TNNC2: variants seen among roughly 807,000 people sequenced by gnomAD.
The protein encoded by TNNC2 is troponin C2, fast skeletal type.
A neutral mutation model predicts 20.0 loss-of-function variants in TNNC2; 14 were observed. That is an observed-to-expected ratio of 0.70 (90% CI 0.46 to 1.09). The LOEUF is 1.09. Ranked by LOEUF, TNNC2 falls within the 50% of genes least tolerant of loss-of-function variation. The pLI is 0.00. For missense variants in TNNC2, 163 were observed against 223.8 expected (o/e 0.73, Z 1.73); for synonymous variants, 81 against 77.3 (o/e 1.05, Z -0.25).
chr20:45,824,489 G>C lies in TNNC2; in HGVS notation c.199+6C>G. The C allele has an allele frequency of 6.2e-7, 1 of 1,613,200 alleles. No individual in the cohort carries two copies. Among genetic ancestry groups the C allele is most frequent in the Non-Finnish European group, 8.5e-7 (1 of 1,179,982 alleles). Reference sequence around the variant, plus strand: ...CATCCCCTGCCTCCGAGGGACACCCGCTCACCGTCCTCATCCACCTCCTCG... The same window carrying C: ...CATCCCCTGCCTCCGAGGGACACCCCCTCACCGTCCTCATCCACCTCCTCG... On this transcript the variant is annotated splice_donor_region_variant and intron_variant, in intron 3 of 5. Coordinates refer to ENST00000372555, the MANE Select transcript of TNNC2 (RefSeq NM_003279.3).
chr20:45,833,168 G>GAGAGAAAGAAAGAA (rs1983174401), intron 2 of TNNC2: 1 of 94,596 alleles, frequency 1.1e-5, no homozygotes, highest in African/African-American at 5.5e-5. Flanking sequence ...GAAAGAAAGA[G>GAGAGAAAGAAAGAA]AGAGAGAGAA....
chr20:45,830,395 C>G (rs892143419), upstream of TNNC2, among the ~76,000 whole-genome samples: 2 of 151,378 alleles, frequency 1.3e-5, no homozygotes, highest in African/African-American at 4.9e-5. Flanking sequence ...AACCTTCAAG[C>G]CTTTGCACAT....
chr20:45,827,426 C>A, upstream of TNNC2: 1 of 709,858 alleles, frequency 1.4e-6, no homozygotes. Flanking sequence ...CGAGTCCCAC[C>A]CCTCCCACAG....
At chr20:45,828,909 C>T (rs1395174626), upstream of TNNC2, among the ~76,000 whole-genome samples, 1 of 152,168 alleles carries the variant, frequency 6.6e-6, no homozygotes, top group Non-Finnish European at 1.5e-5. Context: ...AAGGCCTCCC[C>T]CAGGCAGGCA....
chr20:45,824,517 G>A lies in TNNC2; in HGVS notation c.177C>T (p.Ile59=). The A allele has an allele frequency of 6.2e-7, 1 of 1,613,656 alleles. No homozygotes were observed. Among genetic ancestry groups the A allele is most frequent in the Non-Finnish European group, 8.5e-7 (1 of 1,180,012 alleles). The stretch of plus-strand genomic sequence containing the variant: ...CACCGTCCTCATCCACCTCCTCGAT[G>A]ATGGCGTCCAGCTCCTCCTTGGTGG... ...QTPTKEELDA[I]IEEVDEDGSG... The change falls in exon 3 of 6, where the codon ATC becomes ATT. Residue 59 remains isoleucine, a synonymous_variant. Transcript: ENST00000372555.
upstream of TNNC2, among the ~76,000 whole-genome samples, chr20:45,827,689 C>G (rs1983009268): frequency 6.6e-6 from 1 of 152,186 alleles, no homozygotes; most frequent in Non-Finnish European, 1.5e-5. Flanking sequence ...CCAAGGCCAG[C>G]CTCTGCGAGT....
At chr20:45,828,713 G>A (rs1029717854), upstream of TNNC2, among the ~76,000 whole-genome samples, 1 of 152,144 alleles carries the variant, frequency 6.6e-6, no homozygotes, top group African/African-American at 2.4e-5. Context: ...TGGGGAGTAG[G>A]CAAGGCTTGT....
upstream of TNNC2, chr20:45,827,341 TG>T: frequency 6.4e-7 from 1 of 1,561,562 alleles, no homozygotes; most frequent in Non-Finnish European, 8.8e-7. Flanking sequence ...CCCCGGGATT[TG>T]TAGGGGCACC....
chr20:45,830,131 G>A (rs1035931208), upstream of TNNC2, among the ~76,000 whole-genome samples: 4 of 151,250 alleles, frequency 2.6e-5, no homozygotes, highest in Non-Finnish European at 4.4e-5. Context: ...TCAGGAGTTC[G>A]AGACCATCCT....
chr20:45,829,160 GTTTTTT>G (rs57079984), upstream of TNNC2, among the ~76,000 whole-genome samples: 1 of 98,282 alleles, frequency 1.0e-5, no homozygotes, highest in Non-Finnish European at 2.1e-5. Flanking sequence ...TTTGTTTTTG[GTTTTTT>G]TTTTTTTTTT....
At chr20:45,825,724 G>A (rs563366574) in intron 1 of TNNC2, among the ~76,000 whole-genome samples, 4 of 151,918 alleles carry the variant, frequency 2.6e-5, no homozygotes, top group African/African-American at 7.2e-5. Flanking sequence ...GGGTTCAAGC[G>A]ATTCTTCTCC....
Position 45,824,571 on chromosome 20 carries a change from G to T in TNNC2, c.123C>A (p.Gly41=). The change falls in exon 3 of 6, where the codon GGC becomes GGA. Residue 41 remains glycine, a synonymous_variant. Transcript: ENST00000372555. ...TCTGGCCCAGCATCCTCATCACCGT[G>T]CCCAACTCCTTGACGCTGATGTCCC... ...GGGDISVKEL[G]TVMRMLGQTP... is the part of the protein sequence containing the mutation. 6.2e-7 allele frequency: 1 copy of T among 1,613,006 alleles called. No homozygotes were observed. Among genetic ancestry groups the T allele is most frequent in the Middle Eastern group, 1.7e-4 (1 of 6,060 alleles).
intron 2 of TNNC2, 22 bp downstream of exon 2, chr20:45,824,761 C>T (rs770215375): frequency 1.9e-6 from 3 of 1,613,206 alleles, no homozygotes; most frequent in South Asian, 2.2e-5. Flanking sequence ...ACCCAGCCCC[C>T]AGCCTGCCGC....
At chr20:45,824,891 A>C in intron 1 of TNNC2, 57 bp from the exon 2 acceptor site, 2 of 1,598,342 alleles carry the variant, frequency 1.3e-6, no homozygotes, top group Non-Finnish European at 1.7e-6. Context: ...GCAGTTCCTC[A>C]CCTCAAAGCC....
At chr20:45,828,577 TA>T (rs1456282072), upstream of TNNC2, among the ~76,000 whole-genome samples, 5 of 152,168 alleles carry the variant, frequency 3.3e-5, no homozygotes, top group East Asian at 9.7e-4. Flanking sequence ...CTTTAAGTGG[TA>T]AAAGGACAGC....
chr20:45,829,445 T>C (rs1264319465), upstream of TNNC2, among the ~76,000 whole-genome samples: 6 of 151,606 alleles, frequency 4.0e-5, no homozygotes, highest in African/African-American at 1.5e-4. Context: ...ATTACAGGTG[T>C]GAGCTACCAC....
At chr20:45,824,221 G>A (rs1337919135) in intron 4 of TNNC2, 71 bp downstream of exon 4, 1 of 1,600,636 alleles carries the variant, frequency 6.2e-7, no homozygotes, top group African/African-American at 1.3e-5. Context: ...CCAACACGGG[G>A]AAGCTTCCAG....
intron 1 of TNNC2, among the ~76,000 whole-genome samples, chr20:45,827,010 A>C (rs1982990201): frequency 6.6e-6 from 1 of 152,222 alleles, no homozygotes; most frequent in Non-Finnish European, 1.5e-5. Context: ...CACTGCTGGA[A>C]GTTTCCAGAA....
chr20:45,824,435 T>C (rs764418780), intron 3 of TNNC2, 29 bp from the exon 4 acceptor site: 11 of 1,611,174 alleles, frequency 6.8e-6, no homozygotes, highest in East Asian at 6.7e-5. Context: ...AGACTGAGCC[T>C]GAGCCCAGCC....
Sources: gnomAD v4.1 joint callset for allele counts (sites outside exome capture counted in the v4.1 genomes callset) on GRCh38, gnomAD v4.1.1 for gene constraint, MANE v1.5 for transcripts, NCBI Gene and HGNC (gene_info 2026-07-23, HGNC 2026-07-21) for gene names.